Variants in SLCO5A1 observed in about 807,000 individuals in gnomAD.
The protein encoded by SLCO5A1 is organic anion transporter polypeptide-related protein 4.
Under a neutral mutation model 65.1 loss-of-function variants are expected in SLCO5A1, and 39 were observed. That is an observed-to-expected ratio of 0.60 (90% CI 0.46 to 0.78). The LOEUF (loss-of-function observed/expected upper bound fraction) is 0.78, where lower values mean the gene tolerates loss of function less well. Among genes scored for constraint, SLCO5A1 ranks in the 30% least tolerant of loss-of-function variants. The pLI, the probability that SLCO5A1 is intolerant of heterozygous loss-of-function variation, is 0.00. For missense variants in SLCO5A1, 1,029 were observed against 1,069.4 expected (o/e 0.96, Z 0.53); for synonymous variants, 438 against 415.7 (o/e 1.05, Z -0.65).
At chr8:69,809,831 A>G (rs542790256) in intron 2 of SLCO5A1, among the ~76,000 whole-genome samples, 1 of 152,034 alleles carries the variant, frequency 6.6e-6, no homozygotes, top group African/African-American at 2.4e-5. Flanking sequence ...ATGGGTGAGC[A>G]TTGCTCTATT....
At chr8:69,781,770 G>T (rs1310505331) in intron 2 of SLCO5A1, among the ~76,000 whole-genome samples, 2 of 151,864 alleles carry the variant, frequency 1.3e-5, no homozygotes. Context: ...CAATTCTCCT[G>T]CCTCAGCCTC....
At chr8:69,728,050 A>G (rs1423880650) in intron 5 of SLCO5A1, among the ~76,000 whole-genome samples, 1 of 152,206 alleles carries the variant, frequency 6.6e-6, no homozygotes, top group African/African-American at 2.4e-5. Flanking sequence ...CCAAACGCCC[A>G]TCATTAGGGG....
At chr8:69,763,405 A>T (rs1435013367) in intron 2 of SLCO5A1, among the ~76,000 whole-genome samples, 1 of 151,900 alleles carries the variant, frequency 6.6e-6, no homozygotes, top group Non-Finnish European at 1.5e-5. Flanking sequence ...ACTTGAGGTC[A>T]GGAGTTCGAG....
chr8:69,730,775 G>A (rs1816303160), intron 5 of SLCO5A1, among the ~76,000 whole-genome samples: 1 of 152,104 alleles, frequency 6.6e-6, no homozygotes, highest in African/African-American at 2.4e-5. Context: ...TAAAATCTTA[G>A]ATTAAATCAT....
intron 5 of SLCO5A1, among the ~76,000 whole-genome samples, chr8:69,717,704 A>T (rs1177525792): frequency 6.6e-6 from 1 of 152,218 alleles, no homozygotes; most frequent in Non-Finnish European, 1.5e-5. Context: ...TGACATCCTA[A>T]TAATATTAAG....
intron 2 of SLCO5A1, among the ~76,000 whole-genome samples, chr8:69,826,082 GA>G (rs1311613566): frequency 1.3e-5 from 2 of 152,240 alleles, no homozygotes; most frequent in Non-Finnish European, 2.9e-5. Flanking sequence ...GCCATATGCA[GA>G]AAGCTGAAAC....
chr8:69,834,354 A>T (rs1046121641), intron 1 of SLCO5A1: 1 of 152,394 alleles, frequency 6.6e-6, no homozygotes, highest in African/African-American at 2.4e-5. Flanking sequence ...GATGCTGCTG[A>T]GAAAAGAAAG....
intron 8 of SLCO5A1, among the ~76,000 whole-genome samples, chr8:69,678,051 G>A (rs1462434548): frequency 1.3e-5 from 2 of 152,126 alleles, no homozygotes; most frequent in Admixed American, 6.6e-5. Context: ...TCAACACACC[G>A]ATGTGAATGT....
At position 69,673,078 on chromosome 8, in the gene SLCO5A1, C is replaced by G. The variant is rs747093244; in HGVS notation, c.2338G>C (p.Val780Leu). The G allele has an allele frequency of 4.3e-6, 7 of 1,614,230 alleles. No homozygotes were observed. Among genetic ancestry groups the G allele is most frequent in the Non-Finnish European group, 5.9e-6 (7 of 1,180,026 alleles). Residue 780 changes from valine (V) to leucine (L), a missense_variant, in exon 10 of 10, where the codon GTG becomes CTG. Val to Leu is a conservative substitution (Grantham distance 32). Coordinates refer to ENST00000260126, the MANE Select transcript of SLCO5A1 (RefSeq NM_030958.3). Reference protein sequence around the residue: ...RRQREFPLSTVSERVGHPDNA... With the variant: ...RRQREFPLSTLSERVGHPDNA... ...TCGGGGTGTCCCACTCTCTCACTCACGGTGCTCAGGGGAAATTCTCTCTGC... is the reference window on the plus strand; with the variant it reads ...TCGGGGTGTCCCACTCTCTCACTCAGGGTGCTCAGGGGAAATTCTCTCTGC...
intron 2 of SLCO5A1, among the ~76,000 whole-genome samples, chr8:69,823,896 T>C (rs1820756054): frequency 6.6e-6 from 1 of 152,006 alleles, no homozygotes; most frequent in African/African-American, 2.4e-5. Context: ...CCTCAGCAAA[T>C]GTAAAAGATC....
intron 5 of SLCO5A1, among the ~76,000 whole-genome samples, chr8:69,731,799 C>A (rs941720849): frequency 6.6e-6 from 1 of 152,138 alleles, no homozygotes; most frequent in African/African-American, 2.4e-5. Flanking sequence ...TGTTGGTTTG[C>A]AAGTACCTTT....
rs142945216 is a variant in SLCO5A1 at position 69,709,197 on chromosome 8, C to A, written c.1424-3968G>T. Among the ~76,000 whole-genome samples the A allele has an allele frequency of 9.1e-3, 1,383 of 152,224 alleles. 8 individuals are homozygous for A. Among genetic ancestry groups the A allele is most frequent in the Non-Finnish European group, 0.013 (905 of 68,016 alleles). The stretch of plus-strand genomic sequence containing the variant: ...GTCTAGAATTAGACTGGGAACAAGG[C>A]AGGGTTGAGGTTTGGAGGGTTTTAT... On this transcript the variant is annotated intron_variant, in intron 5 of 9. Transcript: ENST00000260126.
chr8:69,821,805 CAAAAA>C (rs11284619), intron 2 of SLCO5A1, among the ~76,000 whole-genome samples: 2 of 115,282 alleles, frequency 1.7e-5, no homozygotes, highest in Non-Finnish European at 3.7e-5. Context: ...GACTTTGTCT[CAAAAA>C]AAAAAAAAAA....
chr8:69,756,276 G>A (rs775943063), intron 3 of SLCO5A1, among the ~76,000 whole-genome samples: 23 of 152,052 alleles, frequency 1.5e-4, no homozygotes, highest in Admixed American at 6.6e-4. Flanking sequence ...GTGGTGGTGG[G>A]CACCTGTAAT....
chr8:69,824,620 T>G (rs1820790637), intron 2 of SLCO5A1, among the ~76,000 whole-genome samples: 1 of 152,258 alleles, frequency 6.6e-6, no homozygotes, highest in East Asian at 1.9e-4. Flanking sequence ...GGAGCTGAAA[T>G]TGTGGCAATA....
chr8:69,725,323 A>G (rs780170995), intron 5 of SLCO5A1, among the ~76,000 whole-genome samples: 8 of 152,174 alleles, frequency 5.3e-5, no homozygotes, highest in Non-Finnish European at 1.0e-4. Context: ...CATGCCCAGT[A>G]AGAAGTTTCT....
intron 5 of SLCO5A1, among the ~76,000 whole-genome samples, chr8:69,712,828 T>C (rs1815332919): frequency 6.6e-6 from 1 of 151,858 alleles, no homozygotes; most frequent in African/African-American, 2.4e-5. Flanking sequence ...TAAAATCTTA[T>C]ATAACTTTGA....
chr8:69,789,964 G>T (rs562503756), intron 2 of SLCO5A1, among the ~76,000 whole-genome samples: 1 of 151,874 alleles, frequency 6.6e-6, no homozygotes, highest in Non-Finnish European at 1.5e-5. Context: ...AGGCTGAGGC[G>T]GGTGGATCAC....
In SLCO5A1 at chr8:69,720,335, C is replaced by T. The variant is rs544182167; in HGVS notation, c.1424-15106G>A. On this transcript the variant is annotated intron_variant, in intron 5 of 9. Transcript: ENST00000260126. ...TGACAACCACGGGCTTCTTTAATGG[C>T]GTGATGGTTCCTGGTTCACCAACGA... Among the ~76,000 whole-genome samples, 58 of 152,306 alleles carry T rather than the reference C, an allele frequency of 3.8e-4. 1 individual carries two copies. Among genetic ancestry groups the T allele is most frequent in the African/African-American group, 1.3e-3 (55 of 41,564 alleles).
Sources: gnomAD v4.1 joint callset for allele counts (sites outside exome capture counted in the v4.1 genomes callset) on GRCh38, gnomAD v4.1.1 for gene constraint, MANE v1.5 for transcripts, NCBI Gene and HGNC (gene_info 2026-07-23, HGNC 2026-07-21) for gene names.